Variants in NBEA observed in about 807,000 individuals in gnomAD.
The protein encoded by NBEA is lysosomal-trafficking regulator 2.
In NBEA, 44 loss-of-function variants were observed where a neutral mutation model predicts 343.4. That is an observed-to-expected ratio of 0.13 (90% confidence interval 0.10 to 0.16). NBEA has a LOEUF of 0.16. NBEA is among the 10% of genes least tolerant of loss of function. The pLI is 1.00. For missense variants in NBEA, 2,555 were observed against 3,631.3 expected (o/e 0.70, Z 7.62); for synonymous variants, 1,175 against 1,238.7 (o/e 0.95, Z 1.08).
chr13:35,011,894 A>C (rs1262939678), intron 1 of NBEA, among the ~76,000 whole-genome samples: 1 of 152,186 alleles, frequency 6.6e-6, no homozygotes, highest in Non-Finnish European at 1.5e-5. Flanking sequence ...TTTACTATCT[A>C]TAATTTTTTT....
chr13:35,281,085 A>AT (rs2035021639), intron 34 of NBEA, among the ~76,000 whole-genome samples: 1 of 151,966 alleles, frequency 6.6e-6, no homozygotes. Context: ...TGGATATAGG[A>AT]TTTTCTAGTT....
intron 38 of NBEA, among the ~76,000 whole-genome samples, chr13:35,369,156 A>ATTT (rs36109768): frequency 0.046 from 5,950 of 128,226 alleles, 243 homozygotes; most frequent in African/African-American, 0.053. Context: ...TGCCAGCACC[A>ATTT]TTTTTTTTTT....
chr13:35,227,672 T>C (rs2074730143), intron 33 of NBEA, among the ~76,000 whole-genome samples: 1 of 152,076 alleles, frequency 6.6e-6, no homozygotes, highest in East Asian at 1.9e-4. Flanking sequence ...TTAAGCACTC[T>C]AATCTTTCAA....
chr13:35,179,109 G>T (rs1265896495), intron 28 of NBEA, among the ~76,000 whole-genome samples: 1 of 151,612 alleles, frequency 6.6e-6, no homozygotes, highest in Non-Finnish European at 1.5e-5. Flanking sequence ...TAACCCAGCA[G>T]TGGTTGTATC....
At chr13:35,484,266 GTGTGTGTGTATA>G (rs1309847359) in intron 41 of NBEA, among the ~76,000 whole-genome samples, 55 of 135,878 alleles carry the variant, frequency 4.0e-4, no homozygotes, top group Middle Eastern at 3.7e-3. Flanking sequence ...GTGTGTGTGT[GTGTGTGTGTATA>G]TATATATATA....
chr13:34,964,085 C>G lies in NBEA; in HGVS notation c.294+20971C>G, dbSNP rs113532767. On this transcript the variant is annotated intron_variant, in intron 1 of 58. Coordinates refer to ENST00000379939, the MANE Select transcript of NBEA (RefSeq NM_001385012.1). ...AAGCTTCAGACACAGGCAGTACTTG[C>G]TATGCTTACTGCCTGTTTTTTAGAA... Among the ~76,000 whole-genome samples, 193 of 152,076 alleles carry G rather than the reference C, an allele frequency of 1.3e-3. 1 individual carries two copies. The highest frequency in any genetic ancestry group is 4.3e-3 in the African/African-American group (180 of 41,518).
intron 38 of NBEA, among the ~76,000 whole-genome samples, chr13:35,405,831 A>G (rs997841262): frequency 6.6e-6 from 1 of 152,164 alleles, no homozygotes; most frequent in African/African-American, 2.4e-5. Context: ...AAGAATGCCT[A>G]CTTTCTTCCA....
intron 31 of NBEA, among the ~76,000 whole-genome samples, chr13:35,202,335 TG>T (rs749106992): frequency 1.4e-3 from 210 of 152,302 alleles, no homozygotes; most frequent in Admixed American, 2.3e-3. Context: ...CCCCAGGGCA[TG>T]GGGCATGTAT....
rs1453547353 is a variant in NBEA, at chr13:35,089,300, C to T, written c.1572-8997C>T. ...AAGACATTTATGCAGCCAAAAAACA[C>T]ATGAAAAAATGCTCATCATCACTGG... On this transcript the variant is annotated intron_variant, in intron 10 of 58. Transcript: ENST00000379939. 3.4e-5 allele frequency among the ~76,000 whole-genome samples: 5 copies of T among 148,978 alleles called. No individual in the cohort carries two copies. The East Asian group carries it at 9.8e-4, about 29-fold the overall frequency.
chr13:35,070,354 A>G (rs549706358), intron 9 of NBEA, among the ~76,000 whole-genome samples: 20 of 152,228 alleles, frequency 1.3e-4, no homozygotes, highest in African/African-American at 4.6e-4. Context: ...AATTAAATCA[A>G]TTAACTGAAT....
At chr13:35,149,526 C>G (rs370316703) in intron 18 of NBEA, among the ~76,000 whole-genome samples, 1 of 152,236 alleles carries the variant, frequency 6.6e-6, no homozygotes, top group East Asian at 1.9e-4. Flanking sequence ...GTCAGAATCT[C>G]TCCTCAGTTG....
At chr13:35,113,909 A>G (rs1392060344) in intron 13 of NBEA, among the ~76,000 whole-genome samples, 1 of 152,132 alleles carries the variant, frequency 6.6e-6, no homozygotes, top group Non-Finnish European at 1.5e-5. Context: ...GGGTTGTATC[A>G]TTATTTCGAT....
chr13:35,552,395 T>C (rs1315647400), intron 43 of NBEA, among the ~76,000 whole-genome samples: 1 of 150,064 alleles, frequency 6.7e-6, no homozygotes, highest in East Asian at 2.0e-4. Flanking sequence ...GCTCAAGATA[T>C]TTGCTAGTAG....
At chr13:35,587,955 T>TA (rs80270713) in intron 46 of NBEA, among the ~76,000 whole-genome samples, 49,292 of 151,882 alleles carry the variant, frequency 0.32, 9,315 homozygotes, top group Middle Eastern at 0.5. Context: ...CATTTATAAG[T>TA]AAAAAAAGAA....
At chr13:35,051,862 A>T (rs2063076454) in intron 6 of NBEA, among the ~76,000 whole-genome samples, 2 of 152,024 alleles carry the variant, frequency 1.3e-5, no homozygotes, top group South Asian at 4.1e-4. Context: ...CTCTTCAGAC[A>T]ATTTTAGGAA....
chr13:35,205,920 A>G (rs2073364224), intron 31 of NBEA, among the ~76,000 whole-genome samples: 1 of 152,040 alleles, frequency 6.6e-6, no homozygotes, highest in South Asian at 2.1e-4. Context: ...GGGGAGGAGA[A>G]TGAAGCTTAG....
intron 18 of NBEA, among the ~76,000 whole-genome samples, chr13:35,146,209 C>T (rs896969487): frequency 1.3e-5 from 2 of 152,066 alleles, no homozygotes; most frequent in East Asian, 1.9e-4. Context: ...CAACTGTGGC[C>T]AGGAAATCCC....
chr13:35,583,064 C>G (rs2153037859), intron 45 of NBEA, among the ~76,000 whole-genome samples: 1 of 152,188 alleles, frequency 6.6e-6, no homozygotes, highest in South Asian at 2.1e-4. Flanking sequence ...TTATTTGATA[C>G]CATAAGCACG....
intron 38 of NBEA, among the ~76,000 whole-genome samples, chr13:35,390,281 T>C (rs1331965592): frequency 6.6e-6 from 1 of 152,086 alleles, no homozygotes; most frequent in Non-Finnish European, 1.5e-5. Flanking sequence ...AGGGTAGATA[T>C]ATTTGGATTC....
Sources: gnomAD v4.1 joint callset for allele counts (sites outside exome capture counted in the v4.1 genomes callset) on GRCh38, gnomAD v4.1.1 for gene constraint, MANE v1.5 for transcripts, NCBI Gene and HGNC (gene_info 2026-07-23, HGNC 2026-07-21) for gene names.